The following KCNH1 variants were observed in gnomAD, a reference collection of about 807,000 sequenced individuals.
KCNH1 encodes the protein potassium voltage-gated channel subfamily H member 1, also known as voltage-gated delayed rectifier potassium channel KCNH1.
In KCNH1, 27 loss-of-function variants were observed where a neutral mutation model predicts 69.2. The observed-to-expected ratio is 0.39, with a 90% CI of 0.29 to 0.54. The LOEUF is 0.54. KCNH1 is among the 20% of genes least tolerant of loss of function. The pLI, the probability that KCNH1 is intolerant of heterozygous loss-of-function variation, is 0.68. For missense variants in KCNH1, 798 were observed against 1,261.6 expected (o/e 0.63, Z 5.57); for synonymous variants, 456 against 487.7 (o/e 0.93, Z 0.86).
At position 210,916,695 on chromosome 1, in the gene KCNH1, C is replaced by T. The variant is rs557787774; in HGVS notation, c.1462+2945G>A. On this transcript the variant is annotated intron_variant, in intron 7 of 10. Transcript: ENST00000271751. The stretch of plus-strand genomic sequence containing the variant: ...TGGAGATAATAATCTCTAACATATA[C>T]CATTGTCATGAGCAGAAAAAATTGT... Among the ~76,000 whole-genome samples the T allele has an allele frequency of 3.5e-4, 54 of 152,236 alleles. 1 individual carries two copies. Among genetic ancestry groups the T allele is most frequent in the African/African-American group, 1.3e-3 (54 of 41,550 alleles).
chr1:210,980,017 G>A (rs1393026), intron 6 of KCNH1, among the ~76,000 whole-genome samples: 58,702 of 152,008 alleles, frequency 0.39, 11,825 homozygotes, highest in Non-Finnish European at 0.44. Context: ...TTTGTAACTT[G>A]GCAACATTAT....
chr1:210,994,518 G>A (rs1297283012), intron 6 of KCNH1, among the ~76,000 whole-genome samples: 1 of 152,204 alleles, frequency 6.6e-6, no homozygotes, highest in Non-Finnish European at 1.5e-5. Flanking sequence ...TCAAGGAGAT[G>A]GTAGTCTGTG....
In KCNH1 at chr1:210,894,167, C is replaced by T. The variant is rs575408641; in HGVS notation, c.1462+25473G>A. ...CATTGTGAATAGGACTTTTGGGGTA[C>T]TGGATATTTTTGTATTCCTACACGT... On this transcript the variant is annotated intron_variant, in intron 7 of 10. Transcript: ENST00000271751. Among the ~76,000 whole-genome samples, 25 of 152,212 alleles carry T rather than the reference C, an allele frequency of 1.6e-4. No individual in the cohort carries two copies. The South Asian group carries it at 5.0e-3, about 30-fold the overall frequency.
intron 6 of KCNH1, among the ~76,000 whole-genome samples, chr1:210,978,623 T>C (rs1688657587): frequency 6.6e-6 from 1 of 152,216 alleles, no homozygotes; most frequent in Non-Finnish European, 1.5e-5. Flanking sequence ...CTCAGCTAAA[T>C]CTGTGAAATC....
At chr1:210,955,202 A>G (rs140409945) in intron 6 of KCNH1, among the ~76,000 whole-genome samples, 2,698 of 152,296 alleles carry the variant, frequency 0.018, 39 homozygotes, top group Non-Finnish European at 0.02. Context: ...GTCAAAGATC[A>G]GATGGTTATA....
intron 9 of KCNH1, among the ~76,000 whole-genome samples, chr1:210,786,732 T>C (rs1013617631): frequency 3.3e-5 from 5 of 152,204 alleles, no homozygotes; most frequent in African/African-American, 1.2e-4. Context: ...AAAATGGAAC[T>C]GGTCCTCCTT....
chr1:210,788,886 C>CG (rs1388368537), intron 9 of KCNH1, among the ~76,000 whole-genome samples: 1 of 148,622 alleles, frequency 6.7e-6, no homozygotes, highest in Non-Finnish European at 1.5e-5. Flanking sequence ...TTAGTAGAGA[C>CG]GGGGTTTCAC....
At chr1:210,776,967 G>A (rs1254153096) in intron 9 of KCNH1, among the ~76,000 whole-genome samples, 8 of 152,188 alleles carry the variant, frequency 5.3e-5, no homozygotes, top group East Asian at 1.9e-4. Flanking sequence ...TTTTCAGCAC[G>A]ATAAACACAA....
At chr1:210,924,196 C>A (rs1385664724) in intron 6 of KCNH1, among the ~76,000 whole-genome samples, 1 of 152,216 alleles carries the variant, frequency 6.6e-6, no homozygotes, top group Non-Finnish European at 1.5e-5. Flanking sequence ...ACCTCCAGAA[C>A]TGTGAGAGAA....
At chr1:210,787,256 C>A (rs1574255734) in intron 9 of KCNH1, among the ~76,000 whole-genome samples, 1 of 152,148 alleles carries the variant, frequency 6.6e-6, no homozygotes, top group East Asian at 1.9e-4. Context: ...TGCAACCCCC[C>A]ACAGCCACTG....
intron 10 of KCNH1, among the ~76,000 whole-genome samples, chr1:210,698,997 C>G (rs151262100): frequency 9.4e-4 from 143 of 152,344 alleles, no homozygotes; most frequent in African/African-American, 3.3e-3. Context: ...CATCTCCCAG[C>G]CTACTGTGCA....
intron 6 of KCNH1, among the ~76,000 whole-genome samples, chr1:210,943,277 C>G (rs1687904272): frequency 6.6e-6 from 1 of 152,158 alleles, no homozygotes; most frequent in Admixed American, 6.5e-5. Context: ...AAAATTCTCC[C>G]CCAAACTCAA....
chr1:211,025,140 A>G (rs561249305), intron 5 of KCNH1, among the ~76,000 whole-genome samples: 2 of 152,344 alleles, frequency 1.3e-5, no homozygotes, highest in Non-Finnish European at 1.5e-5. Flanking sequence ...GTGCCTTCTC[A>G]TACCAAGCCA....
chr1:210,812,346 A>G (rs568630382), intron 7 of KCNH1, among the ~76,000 whole-genome samples: 2 of 152,056 alleles, frequency 1.3e-5, no homozygotes, highest in Non-Finnish European at 2.9e-5. Context: ...CTTCAACTCT[A>G]CTACTCTTAC....
chr1:210,975,209 A>G (rs1000405987), intron 6 of KCNH1, among the ~76,000 whole-genome samples: 2 of 152,176 alleles, frequency 1.3e-5, no homozygotes, highest in Admixed American at 6.5e-5. Flanking sequence ...TCATTTATGA[A>G]GAATAGTTTT....
intron 7 of KCNH1, among the ~76,000 whole-genome samples, chr1:210,893,431 A>G (rs1686792339): frequency 6.6e-6 from 1 of 151,898 alleles, no homozygotes; most frequent in South Asian, 2.1e-4. Flanking sequence ...GTTTGCTTTT[A>G]AGATTTTCTT....
intron 7 of KCNH1, among the ~76,000 whole-genome samples, chr1:210,890,053 C>T (rs1287375787): frequency 2.0e-5 from 3 of 152,242 alleles, no homozygotes; most frequent in East Asian, 3.9e-4. Context: ...CTTTAAATTT[C>T]ATATGGAATG....
chr1:210,812,951 G>C (rs961613231), intron 7 of KCNH1, among the ~76,000 whole-genome samples: 2 of 152,146 alleles, frequency 1.3e-5, no homozygotes, highest in Non-Finnish European at 2.9e-5. Context: ...AGAACTGTGT[G>C]GTCAGAGGCA....
intron 9 of KCNH1, among the ~76,000 whole-genome samples, chr1:210,791,654 A>G (rs576518846): frequency 1.1e-4 from 17 of 152,280 alleles, no homozygotes; most frequent in African/African-American, 4.1e-4. Context: ...CAAGAAGTCT[A>G]TAGAAAAAGG....
Sources: allele counts gnomAD v4.1 joint callset (sites outside exome capture counted in the v4.1 genomes callset), GRCh38; gene constraint gnomAD v4.1.1; transcripts MANE v1.5; gene names NCBI Gene and HGNC (gene_info 2026-07-23, HGNC 2026-07-21).